Variants in RBM4 observed in about 807,000 individuals in gnomAD.
RBM4 encodes the protein RNA-binding protein 4.
Under a neutral mutation model 29.5 loss-of-function variants are expected in RBM4, and 7 were observed. The observed-to-expected ratio is 0.24, with a 90% CI of 0.14 to 0.45. The LOEUF is 0.45. Among genes scored for constraint, RBM4 ranks in the 20% least tolerant of loss-of-function variants. The pLI, the probability that RBM4 is intolerant of heterozygous loss-of-function variation, is 1.00. For synonymous variants in RBM4, 220 were observed against 205.4 expected (o/e 1.07, Z -0.61); for missense variants, 387 against 502.3 (o/e 0.77, Z 2.19).
chr11:66,639,279 TGATG>T, intron 1 of RBM4: 1 of 169,028 alleles, frequency 5.9e-6, no homozygotes, highest in East Asian at 1.7e-4. Flanking sequence ...TTCCCGGAAA[TGATG>T]GCTGCTTTGG....
intron 2 of RBM4, among the ~76,000 whole-genome samples, chr11:66,663,602 T>C (rs932126063): frequency 6.6e-6 from 1 of 152,160 alleles, no homozygotes; most frequent in Non-Finnish European, 1.5e-5. Context: ...GTGCTGGGAT[T>C]ACAGGCATGA....
chr11:66,663,722 G>GTGTGTGTGTA (rs1159956475), intron 2 of RBM4, among the ~76,000 whole-genome samples: 1 of 151,608 alleles, frequency 6.6e-6, no homozygotes, highest in Non-Finnish European at 1.5e-5. Flanking sequence ...GTGTGTGTGT[G>GTGTGTGTGTA]TGTGTGTATA....
chr11:66,665,739 A>G (rs1939205383), intron 2 of RBM4: 2 of 1,328,174 alleles, frequency 1.5e-6, no homozygotes, highest in Non-Finnish European at 2.0e-6. Flanking sequence ...GTAATTACCT[A>G]GGAGTCTATC....
In RBM4 at chr11:66,668,362, G is replaced by A. The variant is rs375222638; in HGVS notation, c.*2397G>A. The A allele has an allele frequency of 1.7e-3, 733 of 441,870 alleles. 4 individuals carry two copies. The Middle Eastern group carries it at 0.019, about 11-fold the overall frequency. 27.4% of individuals were successfully genotyped at this position (441,870 alleles called of 1,614,324 possible). A position where few individuals can be genotyped will look rare whatever the true frequency, so the allele number is the denominator to read the frequency against. ...CCAAATATGCTTACAACTGATTAAA[G>A]AATGTTCTCACTAACAAACTGAATT... is the stretch of plus-strand genomic sequence containing the variant. On this transcript the variant is annotated 3_prime_UTR_variant, in exon 3 of 3. Coordinates refer to the RBM4 transcript ENST00000396053.
exon 3 of RBM4, chr11:66,668,282 T>TCTC: frequency 2.2e-5 from 5 of 227,822 alleles, no homozygotes; most frequent in South Asian, 9.7e-5. Flanking sequence ...ATCGTGTAGA[T>TCTC]GATATACAGA....
At chr11:66,661,231 C>T (rs576995876) in intron 2 of RBM4, among the ~76,000 whole-genome samples, 109 of 152,274 alleles carry the variant, frequency 7.2e-4, no homozygotes, top group Non-Finnish European at 1.3e-3. Context: ...TGAAGAAAGC[C>T]GAGATTGATC....
At chr11:66,662,489 C>T (rs1473514493) in intron 2 of RBM4, among the ~76,000 whole-genome samples, 1 of 152,002 alleles carries the variant, frequency 6.6e-6, no homozygotes, top group African/African-American at 2.4e-5. Flanking sequence ...GTAACCTCTG[C>T]CTCCTGGGTT....
rs751683036 is a variant in RBM4 at position 66,643,770 on chromosome 11, G to A, written c.733G>A (p.Ala245Thr). Residue 245 changes from alanine to threonine, a missense_variant, in exon 3 of 4, where the codon GCA (alanine) becomes ACA (threonine). By Grantham distance (58) the Ala-to-Thr change is moderately conservative (BLOSUM62 0). Coordinates refer to ENST00000310092, the MANE Select transcript of RBM4 (RefSeq NM_002896.4). This position sits in a 1 kb window ranked among gnomAD's most constrained non-coding sequence, Gnocchi z 6.1. ...TGCAGCTGCCTCCGTGTATAATTAC[G>A]CAGAGCAGACCCTGTCCCAGCTGCC... ...AAAAASVYNY[A>T]EQTLSQLPQV... 69 of 1,613,788 alleles carry A rather than the reference G, an allele frequency of 4.3e-5. No homozygotes were observed. Among genetic ancestry groups the A allele is most frequent in the Non-Finnish European group, 5.5e-5 (65 of 1,179,974 alleles).
In RBM4 at chr11:66,646,190, T is replaced by C; in HGVS notation, c.*172T>C. 2.0e-6 allele frequency: 3 copies of C among 1,476,450 alleles called. No homozygotes were observed. Among genetic ancestry groups the C allele is most frequent in the Non-Finnish European group, 2.7e-6 (3 of 1,115,130 alleles). 91.5% of individuals were successfully genotyped at this position (1,476,450 alleles called of 1,614,324 possible). A position where few individuals can be genotyped will look rare whatever the true frequency, so the allele number is the denominator to read the frequency against. On this transcript the variant is annotated 3_prime_UTR_variant, in exon 4 of 4. Transcript: ENST00000310092. ...GTTCAGACCTTCTCTTCCTTTCCTTTCCTTTCCTCTCCTGCCCATTTTCCT... is the reference window on the plus strand; with the variant it reads ...GTTCAGACCTTCTCTTCCTTTCCTTCCCTTTCCTCTCCTGCCCATTTTCCT...
chr11:66,646,161 C>T lies in RBM4; in HGVS notation c.*143C>T, dbSNP rs1269240140. 3.3e-6 allele frequency: 5 copies of T among 1,524,218 alleles called. No individual in the cohort carries two copies. The African/African-American group carries it at 5.5e-5, about 17-fold the overall frequency. The allele number at this position is 1,524,218 out of a possible 1,614,324, so 94.4% of individuals were successfully genotyped here. ...GAACCGTGGACCTTAATTTACCTTG[C>T]TAAGTTCAGACCTTCTCTTCCTTTC... On this transcript the variant is annotated 3_prime_UTR_variant, in exon 4 of 4. Transcript: ENST00000310092.
intron 2 of RBM4, among the ~76,000 whole-genome samples, chr11:66,659,263 CTTT>C (rs767959263): frequency 4.5e-5 from 3 of 67,306 alleles, no homozygotes; most frequent in Non-Finnish European, 8.0e-5. Context: ...CTTCTTGGTT[CTTT>C]TTTTTTTTTT....
chr11:66,666,043 G>A, exon 3 of RBM4: 1 of 1,277,588 alleles, frequency 7.8e-7, no homozygotes, highest in Non-Finnish European at 1.1e-6. Flanking sequence ...TTTCAGAAAT[G>A]ATGGTCACAA....
chr11:66,650,837 G>A (rs981353896), downstream of RBM4, among the ~76,000 whole-genome samples: 2 of 151,854 alleles, frequency 1.3e-5, no homozygotes, highest in Non-Finnish European at 2.9e-5. Flanking sequence ...CACTCCAGCC[G>A]GGGCAACAGA....
chr11:66,642,613 A>T (rs1263113466), intron 2 of RBM4, among the ~76,000 whole-genome samples: 1 of 152,220 alleles, frequency 6.6e-6, no homozygotes, highest in East Asian at 1.9e-4. Context: ...TAAACTGAGC[A>T]GTTTGGTCCA....
intron 2 of RBM4, among the ~76,000 whole-genome samples, chr11:66,653,394 C>G (rs1464475878): frequency 1.5e-5 from 2 of 135,024 alleles, no homozygotes; most frequent in Non-Finnish European, 3.1e-5. Flanking sequence ...GGGAGTCTTG[C>G]TTTGTCACCC....
intron 2 of RBM4, among the ~76,000 whole-genome samples, chr11:66,664,150 C>A (rs1292111147): frequency 6.6e-6 from 1 of 150,460 alleles, no homozygotes; most frequent in East Asian, 2.0e-4. Flanking sequence ...AGATTACAGG[C>A]ATGCACCACC....
intron 2 of RBM4, among the ~76,000 whole-genome samples, chr11:66,663,659 A>T (rs1394234397): frequency 1.3e-5 from 2 of 151,942 alleles, no homozygotes; most frequent in African/African-American, 4.8e-5. Flanking sequence ...AAAAAGGAGA[A>T]ACACTGGAGA....
At chr11:66,638,944 T>G (rs1461258793) in intron 1 of RBM4, 192 bp downstream of exon 1, 1 of 152,238 alleles carries the variant, frequency 6.6e-6, no homozygotes, top group African/African-American at 2.4e-5. Flanking sequence ...TACCTTGCTT[T>G]TTTTCGCCCA....
exon 3 of RBM4, chr11:66,668,345 G>A (rs913444568): frequency 1.0e-5 from 4 of 397,126 alleles, no homozygotes; most frequent in Non-Finnish European, 1.8e-5. Flanking sequence ...ACCCAAATAT[G>A]CTTACAACTG....
Sources: gnomAD v4.1 joint callset for allele counts (sites outside exome capture counted in the v4.1 genomes callset) on GRCh38, gnomAD v4.1.1 for gene constraint, Gnocchi (gnomAD v3.1) non-coding constraint, MANE v1.5 for transcripts, NCBI Gene and HGNC (gene_info 2026-07-23, HGNC 2026-07-21) for gene names.